Variants in MAP1B observed in about 807,000 individuals in gnomAD.
The protein encoded by MAP1B is microtubule-associated protein 1B.
Under a neutral mutation model 176.1 loss-of-function variants are expected in MAP1B, and 12 were observed. The ratio of observed to expected loss-of-function variants is 0.07; its 90% CI spans 0.04 to 0.11. The LOEUF is 0.11. MAP1B is among the 10% of genes least tolerant of loss of function. The probability of loss-of-function intolerance (pLI) is 1.00; values close to 1 mark genes in which losing one functional copy is unlikely to be tolerated. For missense variants in MAP1B, 2,523 were observed against 2,990.5 expected, an observed-to-expected ratio of 0.84 and a Z score of 3.65; for synonymous variants, 1,044 against 1,135.0, an observed-to-expected ratio of 0.92 and a Z score of 1.61.
intron 4 of MAP1B, among the ~76,000 whole-genome samples, chr5:72,190,885 G>A (rs10515141): frequency 0.042 from 6,372 of 152,270 alleles, 478 homozygotes; most frequent in African/African-American, 0.15. Flanking sequence ...GTAGGCCATG[G>A]TTTAGAAATT....
At position 72,186,659 on chromosome 5, in the gene MAP1B, C is replaced by T. The variant is rs1282325533; in HGVS notation, c.415C>T (p.Leu139=). The change falls in exon 4 of 7, where the codon CTG becomes TTG. Residue 139 remains leucine (L), a synonymous_variant. Transcript: ENST00000296755. This position sits in a 1 kb window ranked among gnomAD's most constrained non-coding sequence, Gnocchi z 4.3. ...TDAARHKLLV[L]TGQCFENTGE... ...TGCTGCCCGACACAAGCTGCTCGTG[C>T]TGACCGGGCAGTGCTTTGAAAATAC... The T allele has an allele frequency of 6.2e-7, 1 of 1,614,100 alleles. No homozygotes were observed. The highest frequency in any genetic ancestry group is 1.3e-5 in the African/African-American group (1 of 74,942).
At chr5:72,177,586 C>G (rs998596225) in intron 2 of MAP1B, among the ~76,000 whole-genome samples, 6 of 152,202 alleles carry the variant, frequency 3.9e-5, no homozygotes, top group African/African-American at 1.4e-4. Flanking sequence ...AGGCGTCTCC[C>G]CTCCTGCCTC....
chr5:72,149,905 T>G (rs1253193089), intron 2 of MAP1B, among the ~76,000 whole-genome samples: 1 of 152,228 alleles, frequency 6.6e-6, no homozygotes, highest in Non-Finnish European at 1.5e-5. Context: ...TCCTGAATAT[T>G]GATGTAGCCA....
chr5:72,185,199 C>T (rs1457924637), intron 3 of MAP1B, among the ~76,000 whole-genome samples: 1 of 152,210 alleles, frequency 6.6e-6, no homozygotes, highest in Non-Finnish European at 1.5e-5. Flanking sequence ...ATCCATTCCT[C>T]AGTTGACGGA....
chr5:72,140,480 C>T (rs1745926654), intron 2 of MAP1B, among the ~76,000 whole-genome samples: 2 of 152,172 alleles, frequency 1.3e-5, no homozygotes, highest in South Asian at 4.1e-4. Context: ...TTGAAGAACA[C>T]TGGTATAGAG....
At position 72,194,583 on chromosome 5, in the gene MAP1B, A is replaced by C. The variant is rs555748291; in HGVS notation, c.1228A>C (p.Ile410Leu). Residue 410 changes from isoleucine to leucine, a missense_variant, in exon 5 of 7, where the codon ATT becomes CTT. Physicochemically the swap from Ile to Leu is conservative, Grantham distance 5. Transcript: ENST00000296755. The surrounding 1 kb of genome is among the most constrained non-coding windows in gnomAD (Gnocchi z 7.2). ...TGTAGGCAATACTATTGATCCTGTC[A>C]TTCTTTTCCAAAAAATGGGAGTAGG... ...RSVGNTIDPV[I>L]LFQKMGVGKL... The C allele has an allele frequency of 6.2e-7, 1 of 1,614,152 alleles. No individual in the cohort carries two copies. The highest frequency in any genetic ancestry group is 8.5e-7 in the Non-Finnish European group (1 of 1,180,046).
intron 2 of MAP1B, among the ~76,000 whole-genome samples, chr5:72,117,701 G>A (rs1397017740): frequency 6.6e-6 from 1 of 152,214 alleles, no homozygotes; most frequent in African/African-American, 2.4e-5. Flanking sequence ...GCTAGAGGCT[G>A]TGTTTGGAGA....
At chr5:72,149,850 G>C (rs1307190272) in intron 2 of MAP1B, among the ~76,000 whole-genome samples, 1 of 152,202 alleles carries the variant, frequency 6.6e-6, no homozygotes, top group East Asian at 1.9e-4. Flanking sequence ...AAGAATTTAA[G>C]TGTATTCCTC....
At chr5:72,202,501 T>C (rs1033041903) in intron 5 of MAP1B, among the ~76,000 whole-genome samples, 12 of 152,236 alleles carry the variant, frequency 7.9e-5, no homozygotes, top group African/African-American at 2.7e-4. Flanking sequence ...TCTGGGATGA[T>C]AGTCTTTAAA....
chr5:72,140,253 G>A (rs192411415), intron 2 of MAP1B, among the ~76,000 whole-genome samples: 1 of 152,286 alleles, frequency 6.6e-6, no homozygotes, highest in East Asian at 1.9e-4. Context: ...AAGAGCCACA[G>A]GACCTGTCCT....
intron 1 of MAP1B, among the ~76,000 whole-genome samples, chr5:72,114,543 A>G (rs1745400021): frequency 6.6e-6 from 1 of 152,262 alleles, no homozygotes; most frequent in Non-Finnish European, 1.5e-5. Flanking sequence ...ACAAAGGTAC[A>G]ATGATGGATA....
Position 72,182,781 on chromosome 5 carries a change from T to G in MAP1B, c.287-962T>G, listed in dbSNP as rs1020487530. Among the ~76,000 whole-genome samples the G allele has an allele frequency of 5.9e-5, 9 of 152,204 alleles. No individual in the cohort carries two copies. The South Asian group carries it at 6.2e-4, about 10-fold the overall frequency. ...CTTCCAAGCAGCAGACATGTTTGTG[T>G]CTACCCTCCCAACCATGCGTCTCCC... On this transcript the variant is annotated intron_variant, in intron 2 of 6. Coordinates refer to ENST00000296755, the MANE Select transcript of MAP1B (RefSeq NM_005909.5).
rs1288845043 is a variant in MAP1B, at chr5:72,186,089, C to T, written c.370-525C>T. On this transcript the variant is annotated intron_variant, in intron 3 of 6. Transcript: ENST00000296755. This position sits in a 1 kb window ranked among gnomAD's most constrained non-coding sequence, Gnocchi z 4.3. ...AGACTGCCGTGGAGCTGTGTGTGTG[C>T]TTGCTGCACGCCTTGGAAGGGCATA... Among the ~76,000 whole-genome samples the T allele has an allele frequency of 1.3e-5, 2 of 152,186 alleles. No homozygotes were observed.
intron 2 of MAP1B, among the ~76,000 whole-genome samples, chr5:72,169,294 G>T (rs546891295): frequency 2.8e-4 from 42 of 151,982 alleles, no homozygotes; most frequent in Middle Eastern, 3.4e-3. Flanking sequence ...CTTGAAAAGA[G>T]CTAGGCAATG....
At chr5:72,167,967 C>T (rs192233984) in intron 2 of MAP1B, among the ~76,000 whole-genome samples, 10 of 152,326 alleles carry the variant, frequency 6.6e-5, no homozygotes, top group Admixed American at 3.3e-4. Flanking sequence ...GAACTGGAGT[C>T]GGGAATGTGG....
rs550906696 is a variant in MAP1B at position 72,198,571 on chromosome 5, C to T, written c.5216C>T (p.Ser1739Phe). The T allele has an allele frequency of 1.9e-6, 3 of 1,613,944 alleles. No individual in the cohort carries two copies. The highest frequency in any genetic ancestry group is 2.5e-6 in the Non-Finnish European group (3 of 1,180,046). The change falls in exon 5 of 7, where the codon TCT (serine) becomes TTT (phenylalanine). Residue 1739 changes from serine to phenylalanine, a missense_variant. Physicochemically the swap from Ser to Phe is radical, Grantham distance 155. Around this residue, in one of 4 missense-constraint regions of MAP1B, gnomAD observed 1,925 missense variants for 2,126.0 expected, o/e 0.91. Transcript: ENST00000296755. ...TCCACCTCTTCTGCTCATACCCCTT[C>T]TCAGATCGCTTCTCCTCTCCAAGAA... ...SPSTSSAHTP[S>F]QIASPLQEDT...
At chr5:72,142,416 G>A (rs1400545335) in intron 2 of MAP1B, among the ~76,000 whole-genome samples, 19 of 152,198 alleles carry the variant, frequency 1.2e-4, no homozygotes, top group Admixed American at 1.0e-3. Flanking sequence ...CCGCTATGTG[G>A]TTTAACACAG....
chr5:72,194,368 G>A lies in MAP1B; in HGVS notation c.1013G>A (p.Gly338Asp). 2.5e-6 allele frequency: 4 copies of A among 1,614,160 alleles called. No homozygotes were observed. Among genetic ancestry groups the A allele is most frequent in the Non-Finnish European group, 2.5e-6 (3 of 1,180,044 alleles). ...GAGCTCGAGGAAGAACAGTCCCAGG[G>A]CTCCACCACAAATAGTGACTGGATG... Reference protein sequence around the residue: ...IAELEEEQSQGSTTNSDWMKN... With the variant: ...IAELEEEQSQDSTTNSDWMKN... The change falls in exon 5 of 7, where the codon GGC (glycine) becomes GAC (aspartate). Residue 338 changes from glycine to aspartate, a missense_variant. Physicochemically the swap from Gly to Asp is moderately conservative, Grantham distance 94 (BLOSUM62 -1). Coordinates refer to ENST00000296755, the MANE Select transcript of MAP1B (RefSeq NM_005909.5). This position sits in a 1 kb window ranked among gnomAD's most constrained non-coding sequence, Gnocchi z 7.2.
rs1349646449 is a variant in MAP1B, at chr5:72,197,434, C to T, written c.4079C>T (p.Pro1360Leu). The T allele has an allele frequency of 6.2e-7, 1 of 1,614,226 alleles. No individual in the cohort carries two copies. Reference sequence around the variant, plus strand: ...GTCATTGAAAAACCACCAGCAGTTCCAGTGAGTTTTGAATTCAGTGATGCC... The same window carrying T: ...GTCATTGAAAAACCACCAGCAGTTCTAGTGAGTTTTGAATTCAGTGATGCC... Reference protein sequence around the residue: ...TEVIEKPPAVPVSFEFSDAKD... With the variant: ...TEVIEKPPAVLVSFEFSDAKD... The change falls in exon 5 of 7, where the codon CCA becomes CTA. Residue 1360 changes from proline to leucine, a missense_variant. This residue lies in a region of MAP1B where 1,925 missense variants were observed against 2,126.0 expected (regional missense o/e 0.91). Coordinates refer to ENST00000296755, the MANE Select transcript of MAP1B (RefSeq NM_005909.5).
Sources: allele counts gnomAD v4.1 joint callset (sites outside exome capture counted in the v4.1 genomes callset), GRCh38; gene constraint gnomAD v4.1.1; regional missense constraint gnomAD v4.1.1; non-coding constraint Gnocchi (gnomAD v3.1); transcripts MANE v1.5; gene names NCBI Gene and HGNC (gene_info 2026-07-23, HGNC 2026-07-21).